The following CFAP299 variants were observed in gnomAD, a reference collection of about 807,000 sequenced individuals.
The protein encoded by CFAP299 is cilia and flagella associated protein 299.
CFAP299 carries 21 observed loss-of-function variants against 27.0 expected under a neutral mutation model. That is an observed-to-expected ratio of 0.78 (90% CI 0.55 to 1.12). The LOEUF is 1.12. Among genes scored for constraint, CFAP299 ranks in the 50% most tolerant of loss-of-function variants. The probability of loss-of-function intolerance (pLI) is 0.00; values close to 1 mark genes in which losing one functional copy is unlikely to be tolerated. For synonymous variants in CFAP299, 104 were observed against 98.1 expected (o/e 1.06, Z -0.36); for missense variants, 310 against 276.6 (o/e 1.12, Z -0.86).
At chr4:80,474,412 T>G (rs1211645813) in intron 2 of CFAP299, among the ~76,000 whole-genome samples, 1 of 152,246 alleles carries the variant, frequency 6.6e-6, no homozygotes, top group Non-Finnish European at 1.5e-5. Flanking sequence ...CATGTTCATC[T>G]ATCAAAAACA....
chr4:80,906,978 A>G (rs1029576206), intron 4 of CFAP299, among the ~76,000 whole-genome samples: 3 of 152,072 alleles, frequency 2.0e-5, no homozygotes, highest in Non-Finnish European at 4.4e-5. Flanking sequence ...CTCTCCAAAA[A>G]ATGGGCTTTT....
upstream of CFAP299, among the ~76,000 whole-genome samples, chr4:80,331,516 T>A (rs1721939645): frequency 1.3e-5 from 2 of 152,176 alleles, no homozygotes; most frequent in Admixed American, 6.5e-5. Flanking sequence ...GGAACCCATG[T>A]CAATTAGGTT....
intron 3 of CFAP299, among the ~76,000 whole-genome samples, chr4:80,742,928 T>G (rs1471712284): frequency 6.6e-6 from 1 of 152,202 alleles, no homozygotes; most frequent in Non-Finnish European, 1.5e-5. Context: ...TGCAACTCAC[T>G]TCAGCAATCC....
intron 1 of CFAP299, among the ~76,000 whole-genome samples, chr4:80,338,465 GA>G (rs1052849546): frequency 1.6e-4 from 24 of 152,094 alleles, no homozygotes; most frequent in African/African-American, 4.3e-4. Context: ...AGAGTCACAA[GA>G]TTTTTTTTTG....
chr4:80,590,137 G>A (rs1007157250), intron 3 of CFAP299, among the ~76,000 whole-genome samples: 1 of 152,052 alleles, frequency 6.6e-6, no homozygotes, highest in African/African-American at 2.4e-5. Flanking sequence ...TATCAACATA[G>A]GATCATCTCA....
chr4:80,580,022 G>T (rs1376487489), intron 2 of CFAP299, among the ~76,000 whole-genome samples: 1 of 152,074 alleles, frequency 6.6e-6, no homozygotes, highest in African/African-American at 2.4e-5. Flanking sequence ...GAATTCTGTA[G>T]TACCCTAACT....
chr4:80,630,871 A>G (rs1424052118), intron 3 of CFAP299, among the ~76,000 whole-genome samples: 1 of 152,110 alleles, frequency 6.6e-6, no homozygotes, highest in Non-Finnish European at 1.5e-5. Context: ...TTACGTTAAC[A>G]TATTACTTCA....
intron 1 of CFAP299, among the ~76,000 whole-genome samples, chr4:80,343,721 G>A (rs547020207): frequency 6.7e-6 from 1 of 149,670 alleles, no homozygotes; most frequent in South Asian, 2.1e-4. Context: ...CCCGGGAAGT[G>A]GAGCTTGCAG....
At position 80,576,646 on chromosome 4, in the gene CFAP299, GTTT is replaced by G. The variant is rs1433265267; in HGVS notation, c.243-6443_243-6441del. 4.6e-5 allele frequency among the ~76,000 whole-genome samples: 7 copies of G among 152,148 alleles called. 1 individual carries two copies. The highest frequency in any genetic ancestry group is 1.7e-4 in the African/African-American group (7 of 41,530). On this transcript the variant is annotated intron_variant, in intron 2 of 5. Transcript: ENST00000358105. ...TATGTTTTCATAGATGTGTTTGTTT[GTTT>G]TTTAAGAAGATAACATTATAGATTT...
chr4:80,961,225 G>A (rs1252475842), intron 5 of CFAP299, among the ~76,000 whole-genome samples: 4 of 151,736 alleles, frequency 2.6e-5, no homozygotes, highest in Admixed American at 1.3e-4. Context: ...GTAGACCTAA[G>A]TAAGTTCAAG....
intron 3 of CFAP299, among the ~76,000 whole-genome samples, chr4:80,667,265 C>T (rs1741186653): frequency 6.6e-6 from 1 of 152,076 alleles, no homozygotes; most frequent in African/African-American, 2.4e-5. Context: ...AATATAGTCA[C>T]ATAATTTGTA....
chr4:80,951,681 G>A (rs542099082), intron 5 of CFAP299, among the ~76,000 whole-genome samples: 168 of 152,224 alleles, frequency 1.1e-3, no homozygotes, highest in African/African-American at 3.9e-3. Flanking sequence ...TATTTTTAAA[G>A]CCTCTTCAGG....
At chr4:80,864,089 T>C (rs144866750) in intron 3 of CFAP299, among the ~76,000 whole-genome samples, 2 of 152,048 alleles carry the variant, frequency 1.3e-5, no homozygotes, top group Non-Finnish European at 2.9e-5. Flanking sequence ...TGGAGTTGTA[T>C]TGTGCAACTC....
intron 2 of CFAP299, among the ~76,000 whole-genome samples, chr4:80,478,806 G>A (rs188468539): frequency 4.0e-5 from 6 of 150,210 alleles, no homozygotes; most frequent in South Asian, 2.1e-4. Context: ...TTTTAAAGTC[G>A]TATTTGGTGT....
At chr4:80,888,321 A>T (rs1734073397) in intron 4 of CFAP299, among the ~76,000 whole-genome samples, 1 of 152,140 alleles carries the variant, frequency 6.6e-6, no homozygotes, top group Admixed American at 6.5e-5. Context: ...GAAACCAAAA[A>T]ATGATCAGGA....
intron 3 of CFAP299, among the ~76,000 whole-genome samples, chr4:80,826,908 G>A (rs1248211424): frequency 1.3e-5 from 2 of 151,700 alleles, no homozygotes; most frequent in East Asian, 1.9e-4. Flanking sequence ...AAGGAAGACT[G>A]GAAAATATCC....
intron 3 of CFAP299, among the ~76,000 whole-genome samples, chr4:80,752,060 G>A (rs912486879): frequency 2.0e-5 from 3 of 152,068 alleles, no homozygotes; most frequent in East Asian, 1.9e-4. Context: ...CTCACAAGGG[G>A]ATCTCCTGAT....
intron 2 of CFAP299, among the ~76,000 whole-genome samples, chr4:80,432,303 C>A (rs1205782409): frequency 6.6e-6 from 1 of 151,902 alleles, no homozygotes. Context: ...AGGCACGCGC[C>A]ACCATGGCTG....
chr4:80,865,504 A>G (rs1025920800), intron 3 of CFAP299, among the ~76,000 whole-genome samples: 1 of 152,198 alleles, frequency 6.6e-6, no homozygotes, highest in African/African-American at 2.4e-5. Flanking sequence ...CATTTAAAAG[A>G]TGTATTTCTA....
Sources: gnomAD v4.1 joint callset for allele counts (sites outside exome capture counted in the v4.1 genomes callset) on GRCh38, gnomAD v4.1.1 for gene constraint, MANE v1.5 for transcripts, NCBI Gene and HGNC (gene_info 2026-07-23, HGNC 2026-07-21) for gene names.